The following VIPR2 variants were observed in gnomAD, a reference collection of about 807,000 sequenced individuals.
VIPR2 encodes the protein vasoactive intestinal peptide receptor 2.
A neutral mutation model predicts 58.0 loss-of-function variants in VIPR2; 48 were observed. The observed-to-expected ratio is 0.83, with a 90% CI of 0.66 to 1.05. The LOEUF (loss-of-function observed/expected upper bound fraction) is 1.05. VIPR2 is among the 50% of genes least tolerant of loss of function. The probability of loss-of-function intolerance (pLI) is 0.00; values close to 1 mark genes in which losing one functional copy is unlikely to be tolerated. For synonymous variants in VIPR2, 243 were observed against 235.2 expected, an observed-to-expected ratio of 1.03 and a Z score of -0.30; for missense variants, 534 against 558.0, an observed-to-expected ratio of 0.96 and a Z score of 0.43.
At position 159,144,671 on chromosome 7, in the gene VIPR2, G is replaced by A. The variant is rs1300407332; in HGVS notation, c.51+50C>T. On this transcript the variant is annotated intron_variant, in intron 1 of 12. Transcript: ENST00000262178. The stretch of plus-strand genomic sequence containing the variant: ...CGGGAGGAGCGCTCTTCTCGGAAGG[G>A]GAGAACCGGGTCCGAGGCGCCGTGG... 3.1e-5 allele frequency: 42 copies of A among 1,354,264 alleles called. No homozygotes were observed. The South Asian group carries it at 7.4e-4, about 24-fold the overall frequency. The allele number at this position is 1,354,264 out of a possible 1,614,324, so 83.9% of individuals were successfully genotyped here.
chr7:159,104,951 G>A (rs954028807), intron 3 of VIPR2, among the ~76,000 whole-genome samples: 1 of 152,196 alleles, frequency 6.6e-6, no homozygotes, highest in Non-Finnish European at 1.5e-5. Context: ...TGACCCAGTA[G>A]GGCAGGCTCC....
chr7:159,102,242 T>C (rs1423615011), intron 4 of VIPR2, among the ~76,000 whole-genome samples: 1 of 152,166 alleles, frequency 6.6e-6, no homozygotes, highest in Admixed American at 6.5e-5. Context: ...CGGTTCCGAC[T>C]GTTCCTGTGA....
At chr7:159,138,197 G>A (rs538530412) in intron 2 of VIPR2, among the ~76,000 whole-genome samples, 147 of 152,308 alleles carry the variant, frequency 9.7e-4, no homozygotes, top group African/African-American at 3.3e-3. Flanking sequence ...TGGACCCTCC[G>A]AGGAGGGTCA....
chr7:159,066,204 C>T lies in VIPR2; in HGVS notation c.358-7626G>A, dbSNP rs142746971. Among the ~76,000 whole-genome samples, 540 of 152,072 alleles carry T rather than the reference C, an allele frequency of 3.6e-3. 2 individuals are homozygous for T. The highest frequency in any genetic ancestry group is 0.012 in the African/African-American group (502 of 41,466). ...TCCAGGATGCCTGCTCCCGCACCGT[C>T]CATGGGATTGCAGGATGCCTGCTTC... On this transcript the variant is annotated intron_variant, in intron 4 of 12. Transcript: ENST00000262178.
intron 2 of VIPR2, among the ~76,000 whole-genome samples, chr7:159,115,975 A>ATTCTCCGTC (rs1796222443): frequency 6.6e-6 from 1 of 152,190 alleles, no homozygotes; most frequent in African/African-American, 2.4e-5. Context: ...TTGTTTGTGA[A>ATTCTCCGTC]CAGCAAGGTC....
At chr7:159,075,093 G>A (rs1270101825) in intron 4 of VIPR2, among the ~76,000 whole-genome samples, 1 of 152,162 alleles carries the variant, frequency 6.6e-6, no homozygotes, top group South Asian at 2.1e-4. Flanking sequence ...TAGACTACAT[G>A]ACTACATGTG....
intron 4 of VIPR2, among the ~76,000 whole-genome samples, chr7:159,100,957 C>T (rs1253685400): frequency 6.8e-6 from 1 of 146,388 alleles, no homozygotes; most frequent in Admixed American, 6.7e-5. Context: ...GAGGCGGTTC[C>T]GACTGTTCCT....
chr7:159,059,824 T>G (rs997097790), intron 4 of VIPR2, among the ~76,000 whole-genome samples: 8 of 135,126 alleles, frequency 5.9e-5, no homozygotes, highest in African/African-American at 1.1e-4. Flanking sequence ...TTCACCCAAC[T>G]ACCACCCTCA....
At chr7:159,132,759 A>C (rs369079768) in intron 2 of VIPR2, among the ~76,000 whole-genome samples, 1 of 150,310 alleles carries the variant, frequency 6.7e-6, no homozygotes, top group East Asian at 2.0e-4. Context: ...ATTGGCATAC[A>C]GACTGATTTC....
chr7:159,064,666 C>G (rs1223954331), intron 4 of VIPR2, among the ~76,000 whole-genome samples: 1 of 152,164 alleles, frequency 6.6e-6, no homozygotes, highest in Non-Finnish European at 1.5e-5. Context: ...CGAGGCCGAG[C>G]AGTCGGTGCT....
intron 2 of VIPR2, among the ~76,000 whole-genome samples, chr7:159,137,986 C>G (rs1364219113): frequency 6.6e-6 from 1 of 152,246 alleles, no homozygotes; most frequent in African/African-American, 2.4e-5. Flanking sequence ...GATGCCAAAA[C>G]TGCTCGGTTC....
At chr7:159,043,283 AAAAT>A (rs1854458424) in intron 5 of VIPR2, 107 bp from the exon 6 acceptor site, 1 of 1,020,890 alleles carries the variant, frequency 9.8e-7, no homozygotes, top group South Asian at 2.6e-5. Context: ...GAAGCACAGA[AAAAT>A]AAAAGAGTTG....
intron 4 of VIPR2, among the ~76,000 whole-genome samples, chr7:159,086,092 G>A: frequency 6.6e-6 from 1 of 152,180 alleles, no homozygotes; most frequent in Non-Finnish European, 1.5e-5. Context: ...AAGAGGCACT[G>A]GGCAGTGCGG....
At chr7:159,063,612 G>A (rs968491302) in intron 4 of VIPR2, among the ~76,000 whole-genome samples, 2 of 151,468 alleles carry the variant, frequency 1.3e-5, no homozygotes, top group East Asian at 2.0e-4. Context: ...CTCCTCAAGC[G>A]CGGCCAGAGT....
intron 2 of VIPR2, among the ~76,000 whole-genome samples, chr7:159,136,838 A>T (rs1431339417): frequency 6.6e-6 from 1 of 152,190 alleles, no homozygotes; most frequent in African/African-American, 2.4e-5. Flanking sequence ...TGCTGTGGCC[A>T]TGTGGAGAAG....
At chr7:159,104,983 G>A (rs1585508344) in intron 3 of VIPR2, among the ~76,000 whole-genome samples, 1 of 152,192 alleles carries the variant, frequency 6.6e-6, no homozygotes. Context: ...GGTGTTGGAA[G>A]AAAGGATGGC....
chr7:159,084,519 G>C (rs945104912), intron 4 of VIPR2, among the ~76,000 whole-genome samples: 1 of 152,180 alleles, frequency 6.6e-6, no homozygotes, highest in African/African-American at 2.4e-5. Flanking sequence ...CCTCTGCCAG[G>C]CTTCAGGCTC....
In VIPR2 at chr7:159,127,742, G is replaced by A. The variant is rs1796707325; in HGVS notation, c.151+14704C>T. On this transcript the variant is annotated intron_variant, in intron 2 of 12. Transcript: ENST00000262178. The surrounding 1 kb of genome is among the most constrained non-coding windows in gnomAD (Gnocchi z 4.6). The stretch of plus-strand genomic sequence containing the variant: ...AAAATACCTGACTCTTCCTCTTCCA[G>A]ATGTTTGCTGTTATTACCTTCATGG... 6.6e-6 allele frequency among the ~76,000 whole-genome samples: 1 copy of A among 152,182 alleles called. No individual in the cohort carries two copies. Among genetic ancestry groups the A allele is most frequent in the African/African-American group, 2.4e-5 (1 of 41,432 alleles).
intron 4 of VIPR2, among the ~76,000 whole-genome samples, chr7:159,064,195 G>A (rs1855942602): frequency 6.6e-6 from 1 of 152,062 alleles, no homozygotes; most frequent in African/African-American, 2.4e-5. Context: ...TGGGAGAGGG[G>A]CGGCCCCACG....
Sources: gnomAD v4.1 joint callset for allele counts (sites outside exome capture counted in the v4.1 genomes callset) on GRCh38, gnomAD v4.1.1 for gene constraint, Gnocchi (gnomAD v3.1) non-coding constraint, MANE v1.5 for transcripts, NCBI Gene and HGNC (gene_info 2026-07-23, HGNC 2026-07-21) for gene names.